Variants in ANKRD30A observed in about 807,000 individuals in gnomAD.
The protein encoded by ANKRD30A is ankyrin repeat domain 30A, also known as ankyrin repeat domain-containing protein 30A.
ANKRD30A carries 170 observed loss-of-function variants against 166.3 expected under a neutral mutation model. That is an observed-to-expected ratio of 1.02 (90% CI 0.90 to 1.16). ANKRD30A has a LOEUF of 1.16. ANKRD30A is among the 50% of genes most tolerant of loss of function. ANKRD30A has a pLI of 0.00. For synonymous variants in ANKRD30A, 564 were observed against 508.9 expected (o/e 1.11, Z -1.46); for missense variants, 1,630 against 1,518.0 (o/e 1.07, Z -1.23).
At chr10:37,171,425 C>A (rs1422346658) in intron 21 of ANKRD30A, among the ~76,000 whole-genome samples, 1 of 149,626 alleles carries the variant, frequency 6.7e-6, no homozygotes, top group Non-Finnish European at 1.5e-5. Context: ...ATACGCATTA[C>A]AACTGTTACT....
At chr10:37,210,095 T>G (rs1842207611) in intron 31 of ANKRD30A, among the ~76,000 whole-genome samples, 1 of 152,104 alleles carries the variant, frequency 6.6e-6, no homozygotes, top group Non-Finnish European at 1.5e-5. Context: ...GTATTTCTCC[T>G]AATGCTACCC....
At chr10:37,150,684 G>GT (rs1401255252) in intron 11 of ANKRD30A, among the ~76,000 whole-genome samples, 2 of 151,902 alleles carry the variant, frequency 1.3e-5, no homozygotes, top group Non-Finnish European at 2.9e-5. Flanking sequence ...AATTAACTGT[G>GT]TTTTTTAATA....
chr10:37,251,921 G>A, the ANKRD30A span, among the ~76,000 whole-genome samples: 1 of 152,086 alleles, frequency 6.6e-6, no homozygotes, highest in South Asian at 2.1e-4. Context: ...AGCCATATGC[G>A]TACTCCCATG....
At chr10:37,260,180 C>A in the ANKRD30A span, among the ~76,000 whole-genome samples, 2 of 151,582 alleles carry the variant, frequency 1.3e-5, no homozygotes, top group African/African-American at 4.8e-5. Context: ...AATAGTGTTG[C>A]GCTTGTTAGT....
chr10:37,233,391 A>G (rs1054663980), downstream of ANKRD30A, among the ~76,000 whole-genome samples: 2 of 152,056 alleles, frequency 1.3e-5, no homozygotes, highest in Non-Finnish European at 2.9e-5. Context: ...GCACATATGA[A>G]TTTTCTTATC....
chr10:37,242,063 T>C, the ANKRD30A span: 1 of 152,206 alleles, frequency 6.6e-6, no homozygotes, highest in African/African-American at 2.4e-5. Context: ...TTATTACTTG[T>C]CTATAATATT....
Position 37,126,012 on chromosome 10 carries a change from C to G in ANKRD30A, c.221+4C>G. The G allele has an allele frequency of 6.2e-7, 1 of 1,612,022 alleles. No homozygotes were observed. Among genetic ancestry groups the G allele is most frequent in the Non-Finnish European group, 8.5e-7 (1 of 1,179,924 alleles). On this transcript the variant is annotated splice_donor_region_variant and intron_variant, in intron 1 of 35. Transcript: ENST00000361713. ...ATATACAAGACGCCCAGAAGAGGTACCAGGCCCTGCCTGAGCCGGGGCTGC... is the reference window on the plus strand; with the variant it reads ...ATATACAAGACGCCCAGAAGAGGTAGCAGGCCCTGCCTGAGCCGGGGCTGC...
At chr10:37,236,170 T>G (rs796864990), downstream of ANKRD30A, among the ~76,000 whole-genome samples, 3 of 152,274 alleles carry the variant, frequency 2.0e-5, no homozygotes, top group African/African-American at 7.2e-5. Flanking sequence ...TTACAAGTAT[T>G]ATGTAGCCAT....
chr10:37,190,992 C>G (rs1840516878), intron 25 of ANKRD30A, among the ~76,000 whole-genome samples: 1 of 151,792 alleles, frequency 6.6e-6, no homozygotes, highest in African/African-American at 2.4e-5. Context: ...CGAAACCAGA[C>G]TAATTTTAAA....
chr10:37,263,510 G>A, the ANKRD30A span, among the ~76,000 whole-genome samples: 1 of 151,218 alleles, frequency 6.6e-6, no homozygotes, highest in Admixed American at 6.6e-5. Flanking sequence ...CCATCTAGGG[G>A]TGATGGGAGA....
chr10:37,144,248 T>C (rs1837352020), intron 7 of ANKRD30A, among the ~76,000 whole-genome samples: 1 of 152,190 alleles, frequency 6.6e-6, no homozygotes, highest in African/African-American at 2.4e-5. Context: ...TCAGTATTCC[T>C]TGGGCCTTGC....
Position 37,125,898 on chromosome 10 carries a change from G to A in ANKRD30A, c.111G>A (p.Gly37=), listed in dbSNP as rs188769974. The change falls in exon 1 of 36, where the codon GGG becomes GGA. Residue 37 remains glycine, a synonymous_variant. Coordinates refer to ENST00000361713, the MANE Select transcript of ANKRD30A (RefSeq NM_052997.3). ...ACGACTCCTACATCGTCCACTCTGG[G>A]GATCTTAGAAAGATCCATAAAGCTG... ...TSNDSYIVHS[G]DLRKIHKAAS... 1 of 1,587,440 alleles carries A rather than the reference G, an allele frequency of 6.3e-7. No individual in the cohort carries two copies.
At chr10:37,155,657 T>C (rs1838313440) in intron 13 of ANKRD30A, among the ~76,000 whole-genome samples, 1 of 152,236 alleles carries the variant, frequency 6.6e-6, no homozygotes, top group African/African-American at 2.4e-5. Flanking sequence ...GTTTTCTCCT[T>C]ATCAGTCAGC....
rs1843417127 is a variant in ANKRD30A, at chr10:37,231,643, A to G, written c.*174A>G. ...TTCATGATTTCTTCCTGAAGCCTAC[A>G]GACATAAAATAACAGTGTGAAGAAT... On this transcript the variant is annotated 3_prime_UTR_variant, in exon 35 of 36. Transcript: ENST00000361713. 7.2e-6 allele frequency: 3 copies of G among 418,006 alleles called. No homozygotes were observed. Among genetic ancestry groups the G allele is most frequent in the African/African-American group, 2.1e-5 (1 of 48,408 alleles). The allele number at this position is 418,006 out of a possible 1,614,324, so 25.9% of individuals were successfully genotyped here.
chr10:37,132,362 T>A lies in ANKRD30A; in HGVS notation c.617+16T>A, dbSNP rs763448585. The A allele has an allele frequency of 1.2e-5, 17 of 1,466,280 alleles. No homozygotes were observed. The highest frequency in any genetic ancestry group is 1.1e-5 in the Non-Finnish European group (12 of 1,084,514). The allele number at this position is 1,466,280 out of a possible 1,614,324, so 90.8% of individuals were successfully genotyped here. ...AGTATAAATGGTATAGTAGTTCTTTTTTTATTAAAAAACACTTGAGTAGTG... is the reference window on the plus strand; with the variant it reads ...AGTATAAATGGTATAGTAGTTCTTTATTTATTAAAAAACACTTGAGTAGTG... On this transcript the variant is annotated intron_variant, in intron 4 of 35. Transcript: ENST00000361713.
rs755610695 is a variant in ANKRD30A at position 37,149,620 on chromosome 10, T to A, written c.1544-31T>A. The A allele has an allele frequency of 6.8e-6, 11 of 1,606,844 alleles. No homozygotes were observed. In the South Asian group the frequency reaches 1.2e-4, roughly 18 times the overall value. On this transcript the variant is annotated intron_variant, in intron 9 of 35. Coordinates refer to ENST00000361713, the MANE Select transcript of ANKRD30A (RefSeq NM_052997.3). ...TGGTTGGCATTGTCATACTTACTTA[T>A]GATTGATGATAAATCTCTTTTGCTT...
intron 34 of ANKRD30A, among the ~76,000 whole-genome samples, chr10:37,224,041 A>G (rs1260145542): frequency 6.6e-6 from 1 of 151,306 alleles, no homozygotes; most frequent in East Asian, 1.9e-4. Context: ...TAATTAAACA[A>G]ATTATTCTAT....
chr10:37,195,132 G>A (rs1032216293), intron 27 of ANKRD30A, among the ~76,000 whole-genome samples: 9 of 152,110 alleles, frequency 5.9e-5, no homozygotes, highest in Non-Finnish European at 1.0e-4. Context: ...GAGATGCTCA[G>A]ATCAGAAGTT....
chr10:37,228,794 A>G (rs994051284), intron 34 of ANKRD30A, among the ~76,000 whole-genome samples: 1 of 151,966 alleles, frequency 6.6e-6, no homozygotes, highest in African/African-American at 2.4e-5. Context: ...ATCAACCTCT[A>G]TTAGATTGTA....
Sources: gnomAD v4.1 joint callset for allele counts (sites outside exome capture counted in the v4.1 genomes callset) on GRCh38, gnomAD v4.1.1 for gene constraint, MANE v1.5 for transcripts, NCBI Gene and HGNC (gene_info 2026-07-23, HGNC 2026-07-21) for gene names.